The following SPATC1L variants were observed in gnomAD, a reference collection of about 807,000 sequenced individuals.
SPATC1L encodes the protein spermatogenesis and centriole associated 1 like, also known as speriolin-like protein.
A neutral mutation model predicts 21.2 loss-of-function variants in SPATC1L; 20 were observed. The ratio of observed to expected loss-of-function variants is 0.94; its 90% CI spans 0.66 to 1.37. The LOEUF is 1.37. SPATC1L is among the 40% of genes most tolerant of loss of function. The pLI is 0.00. For synonymous variants in SPATC1L, 290 were observed against 234.5 expected, an observed-to-expected ratio of 1.24 and a Z score of -2.16; for missense variants, 499 against 478.7, an observed-to-expected ratio of 1.04 and a Z score of -0.40.
chr21:46,176,480 CCAA>C (rs1462277900), intron 2 of SPATC1L, among the ~76,000 whole-genome samples: 3 of 152,084 alleles, frequency 2.0e-5, no homozygotes, highest in Admixed American at 6.6e-5. Flanking sequence ...TTCCTATATA[CCAA>C]CAACAATCAA....
chr21:46,183,882 G>C (rs1271228493), intron 1 of SPATC1L, 108 bp from the exon 2 acceptor site: 1 of 102,152 alleles, frequency 9.8e-6, no homozygotes, highest in African/African-American at 4.0e-5. Flanking sequence ...AGATCAGCCT[G>C]GGGGAGGAGA....
chr21:46,179,642 T>A (rs140057714), intron 2 of SPATC1L, among the ~76,000 whole-genome samples: 1 of 152,232 alleles, frequency 6.6e-6, no homozygotes, highest in Non-Finnish European at 1.5e-5. Context: ...CATAGAGAAT[T>A]CTCACCACTG....
intron 2 of SPATC1L, among the ~76,000 whole-genome samples, chr21:46,171,803 G>A (rs1033990724): frequency 3.9e-5 from 6 of 152,080 alleles, no homozygotes; most frequent in African/African-American, 1.4e-4. Flanking sequence ...GGGTGAGTGT[G>A]CCAAGTTCCC....
intron 3 of SPATC1L, among the ~76,000 whole-genome samples, chr21:46,168,057 TCATATCCAGACA>T (rs899905684): frequency 6.6e-6 from 1 of 152,048 alleles, no homozygotes; most frequent in African/African-American, 2.4e-5. Context: ...AAAAAAGGAC[TCATATCCAGACA>T]CATAAAGAAC....
At chr21:46,164,136 T>A (rs555040746) in intron 3 of SPATC1L, among the ~76,000 whole-genome samples, 1 of 152,096 alleles carries the variant, frequency 6.6e-6, no homozygotes, top group Admixed American at 6.6e-5. Flanking sequence ...GCCTCCTGAA[T>A]AGCTGGAACT....
In SPATC1L at chr21:46,161,362, G is replaced by A. The variant is rs770843218; in HGVS notation, c.*17C>T. The A allele has an allele frequency of 3.3e-6, 5 of 1,496,416 alleles. No individual in the cohort carries two copies. Among genetic ancestry groups the A allele is most frequent in the East Asian group, 2.3e-5 (1 of 43,116 alleles). The allele number at this position is 1,496,416 out of a possible 1,614,324, so 92.7% of individuals were successfully genotyped here. A position where few individuals can be genotyped will look rare whatever the true frequency, so the allele number is the denominator to read the frequency against. Reference sequence around the variant, plus strand: ...CAAACGCGTTTACTGCAGGCAAGGCGGCGGGCGCGGGGCGGCTCACCAGGC... The same window carrying A: ...CAAACGCGTTTACTGCAGGCAAGGCAGCGGGCGCGGGGCGGCTCACCAGGC... On this transcript the variant is annotated 3_prime_UTR_variant, in exon 5 of 5. Coordinates refer to ENST00000291672, the MANE Select transcript of SPATC1L (RefSeq NM_001142854.2).
chr21:46,169,363 C>G (rs2079566086), intron 2 of SPATC1L, among the ~76,000 whole-genome samples: 2 of 125,022 alleles, frequency 1.6e-5, no homozygotes, highest in African/African-American at 6.1e-5. Flanking sequence ...GAGCCCCCTG[C>G]TCTGTGAGCA....
At chr21:46,179,762 G>A (rs2079658476) in intron 2 of SPATC1L, among the ~76,000 whole-genome samples, 1 of 152,238 alleles carries the variant, frequency 6.6e-6, no homozygotes, top group African/African-American at 2.4e-5. Flanking sequence ...ACGGCGAGTG[G>A]CATCGTGGCC....
intron 2 of SPATC1L, among the ~76,000 whole-genome samples, chr21:46,175,590 C>T (rs780229603): frequency 5.3e-5 from 8 of 152,110 alleles, no homozygotes; most frequent in Non-Finnish European, 1.0e-4. Flanking sequence ...CACATACACC[C>T]TCCCAAGACT....
At chr21:46,183,999 G>T (rs1173993666) in intron 1 of SPATC1L, among the ~76,000 whole-genome samples, 1 of 152,134 alleles carries the variant, frequency 6.6e-6, no homozygotes, top group Non-Finnish European at 1.5e-5. Context: ...AGGGTGGGGA[G>T]ACCAGCCTGA....
Position 46,172,134 on chromosome 21 carries a change from T to TGAGGCCGGG in SPATC1L, c.194-3477_194-3476insCCCGGCCTC, listed in dbSNP as rs2079597263. On this transcript the variant is annotated intron_variant, in intron 2 of 4. Transcript: ENST00000291672. ...AGCATGAGGCGGGGGATGCACAGAG[T>TGAGGCCGGG]GTGAGGTGGGGGATGCAAAGAGCGT... Among the ~76,000 whole-genome samples the TGAGGCCGGG allele has an allele frequency of 4.5e-4, 3 of 6,620 alleles. 1 individual carries two copies. The highest frequency in any genetic ancestry group is 9.6e-3 in the South Asian group (1 of 104). The allele number at this position is 6,620 out of a possible 152,430, so 4.3% of individuals were successfully genotyped here. A position where few individuals can be genotyped will look rare whatever the true frequency, so the allele number is the denominator to read the frequency against.
intron 2 of SPATC1L, among the ~76,000 whole-genome samples, chr21:46,178,027 A>G (rs561922259): frequency 6.6e-6 from 1 of 152,310 alleles, no homozygotes; most frequent in South Asian, 2.1e-4. Context: ...TGAGGTCAGG[A>G]GTTCGAGACC....
rs1469845996 is a variant in SPATC1L at position 46,170,691 on chromosome 21, A to T, written c.194-2033T>A. 6.4e-5 allele frequency among the ~76,000 whole-genome samples: 9 copies of T among 139,868 alleles called. No homozygotes were observed. In the East Asian group the frequency reaches 1.8e-3, roughly 28 times the overall value. 91.8% of individuals were successfully genotyped at this position (139,868 alleles called of 152,430 possible). Reference sequence around the variant, plus strand: ...TGGGGAGGAGCCTCCCTGCTCTGTGAACATCCTCTGTGGATGGGGAGGAGC... The same window carrying T: ...TGGGGAGGAGCCTCCCTGCTCTGTGTACATCCTCTGTGGATGGGGAGGAGC... On this transcript the variant is annotated intron_variant, in intron 2 of 4. Coordinates refer to ENST00000291672, the MANE Select transcript of SPATC1L (RefSeq NM_001142854.2).
In SPATC1L at chr21:46,171,602, C is replaced by T. The variant is rs11700750; in HGVS notation, c.194-2944G>A. 5.3e-5 allele frequency among the ~76,000 whole-genome samples: 8 copies of T among 152,132 alleles called. 1 individual carries two copies. In the South Asian group the frequency reaches 1.7e-3, roughly 32 times the overall value. ...CAGACCCCCCACCCCAGACACTTTT[C>T]AAATTATAAAAGAATATTATGTACA... On this transcript the variant is annotated intron_variant, in intron 2 of 4. Coordinates refer to ENST00000291672, the MANE Select transcript of SPATC1L (RefSeq NM_001142854.2).
intron 2 of SPATC1L, among the ~76,000 whole-genome samples, chr21:46,174,345 A>AAC (rs2079615449): frequency 1.8e-5 from 1 of 56,336 alleles, no homozygotes; most frequent in Non-Finnish European, 4.9e-5. Context: ...AAAACAAAAC[A>AAC]AAAAAAAAAA....
chr21:46,162,090 C>G (rs1295955731), intron 3 of SPATC1L, 23 bp from the exon 4 acceptor site: 1 of 1,554,458 alleles, frequency 6.4e-7, no homozygotes, highest in South Asian at 1.2e-5. Flanking sequence ...AGGCCGGGGA[C>G]AAGGTCAGGG....
chr21:46,181,009 T>C (rs9979331), intron 2 of SPATC1L, among the ~76,000 whole-genome samples: 30,408 of 152,218 alleles, frequency 0.2, 4,122 homozygotes, highest in African/African-American at 0.38. Flanking sequence ...GGGCAAGGGT[T>C]GAGGGTCTGC....
intron 2 of SPATC1L, among the ~76,000 whole-genome samples, chr21:46,179,458 T>C (rs1176090160): frequency 6.6e-6 from 1 of 152,230 alleles, no homozygotes; most frequent in African/African-American, 2.4e-5. Context: ...AAAACCTTTT[T>C]TGTGGTGCTA....
intron 2 of SPATC1L, among the ~76,000 whole-genome samples, chr21:46,178,712 C>G (rs2079650350): frequency 6.6e-6 from 1 of 152,036 alleles, no homozygotes; most frequent in Non-Finnish European, 1.5e-5. Context: ...CATGGCAAAA[C>G]CCCATCTCTA....
Sources: allele counts gnomAD v4.1 joint callset (sites outside exome capture counted in the v4.1 genomes callset), GRCh38; gene constraint gnomAD v4.1.1; transcripts MANE v1.5; gene names NCBI Gene and HGNC (gene_info 2026-07-23, HGNC 2026-07-21).